Variants in TAOK3 observed in about 807,000 individuals in gnomAD.
TAOK3 encodes the protein serine/threonine-protein kinase TAO3.
A neutral mutation model predicts 120.4 loss-of-function variants in TAOK3; 40 were observed. The ratio of observed to expected loss-of-function variants is 0.33; its 90% CI spans 0.26 to 0.43. The LOEUF (loss-of-function observed/expected upper bound fraction) is 0.43. Among genes scored for constraint, TAOK3 ranks in the 20% least tolerant of loss-of-function variants. TAOK3 has a pLI of 1.00. For synonymous variants in TAOK3, 355 were observed against 387.5 expected, an observed-to-expected ratio of 0.92 and a Z score of 0.99; for missense variants, 821 against 1,112.1, an observed-to-expected ratio of 0.74 and a Z score of 3.72.
intron 1 of TAOK3, among the ~76,000 whole-genome samples, chr12:118,354,207 A>G (rs1010315688): frequency 2.0e-5 from 3 of 152,184 alleles, no homozygotes; most frequent in Non-Finnish European, 4.4e-5. Context: ...CATAACTACA[A>G]TGAAGCTTAA....
intron 1 of TAOK3, among the ~76,000 whole-genome samples, chr12:118,350,078 A>T (rs1459327838): frequency 1.3e-5 from 2 of 152,244 alleles, no homozygotes; most frequent in African/African-American, 2.4e-5. Context: ...ATGATTTTTT[A>T]AAAATCCTAA....
chr12:118,164,528 C>T (rs1224214488), intron 17 of TAOK3, among the ~76,000 whole-genome samples: 1 of 151,870 alleles, frequency 6.6e-6, no homozygotes, highest in Non-Finnish European at 1.5e-5. Flanking sequence ...AGCAATTCTC[C>T]CGCCTCAGCC....
chr12:118,256,008 C>A, intron 2 of TAOK3: 1 of 152,020 alleles, frequency 6.6e-6, no homozygotes, highest in Non-Finnish European at 1.5e-5. Flanking sequence ...CGCTTGAACC[C>A]GGGAGGCTGA....
chr12:118,193,194 C>T (rs780269280), intron 13 of TAOK3, among the ~76,000 whole-genome samples: 1 of 151,306 alleles, frequency 6.6e-6, no homozygotes, highest in Non-Finnish European at 1.5e-5. Flanking sequence ...ACTACAGGTG[C>T]GTACCACCAT....
intron 9 of TAOK3, among the ~76,000 whole-genome samples, chr12:118,223,062 CTTTTTTTTTTTT>C (rs75334511): frequency 2.6e-4 from 31 of 120,076 alleles, no homozygotes; most frequent in South Asian, 8.0e-4. Flanking sequence ...TTCTTTCTTT[CTTTTTTTTTTTT>C]TTTTTTTTTT....
chr12:118,255,463 A>G lies in TAOK3; in HGVS notation c.105T>C (p.Phe35=), dbSNP rs1298006463. 1.9e-6 allele frequency: 3 copies of G among 1,614,146 alleles called. No individual in the cohort carries two copies. The South Asian group carries it at 3.3e-5, about 18-fold the overall frequency. ...IGLHEIGHGS[F]GAVYFATNAH... is the part of the protein sequence containing the mutation. ...AAGTACTTACAAAATAAACTGCTCC[A>G]AAACTTCCATGTCCAATTTCATGCA... The change falls in exon 3 of 21, where the codon TTT becomes TTC. Residue 35 remains phenylalanine, a synonymous_variant. Coordinates refer to ENST00000392533, the MANE Select transcript of TAOK3 (RefSeq NM_016281.4).
At chr12:118,219,003 C>T (rs899464665) in intron 9 of TAOK3, among the ~76,000 whole-genome samples, 4 of 152,146 alleles carry the variant, frequency 2.6e-5, no homozygotes, top group East Asian at 1.9e-4. Context: ...GAACTCATCA[C>T]GTAACCATCA....
At chr12:118,174,627 G>A (rs1014543444) in intron 16 of TAOK3, among the ~76,000 whole-genome samples, 9 of 152,170 alleles carry the variant, frequency 5.9e-5, no homozygotes, top group Middle Eastern at 3.4e-3. Context: ...GAGTGGACGC[G>A]TGGAGTTAGA....
chr12:118,208,588 A>C (rs1237912428), intron 11 of TAOK3, among the ~76,000 whole-genome samples: 1 of 152,034 alleles, frequency 6.6e-6, no homozygotes, highest in Non-Finnish European at 1.5e-5. Context: ...ATCAGTCTTC[A>C]TACTTTCACG....
At chr12:118,227,932 C>A (rs1222736875) in intron 9 of TAOK3, among the ~76,000 whole-genome samples, 1 of 152,026 alleles carries the variant, frequency 6.6e-6, no homozygotes, top group African/African-American at 2.4e-5. Context: ...TTGAAAAGTT[C>A]AATTATTCAA....
In TAOK3 at chr12:118,371,389, C is replaced by T. The variant is rs1203231141; in HGVS notation, c.-194+1259G>A. 2.6e-5 allele frequency among the ~76,000 whole-genome samples: 4 copies of T among 152,148 alleles called. No homozygotes were observed. The highest frequency in any genetic ancestry group is 9.7e-5 in the African/African-American group (4 of 41,432). The stretch of plus-strand genomic sequence containing the variant: ...AAGGAACGAATGCGAAGCCAGCGGG[C>T]CAGTGAGAAGAGGTCAGGCCGCGCA... On this transcript the variant is annotated intron_variant, in intron 1 of 20. Coordinates refer to ENST00000392533, the MANE Select transcript of TAOK3 (RefSeq NM_016281.4). The surrounding 1 kb of genome is among the most constrained non-coding windows in gnomAD (Gnocchi z 5.5).
At chr12:118,333,650 TGAAAACAGGA>T (rs2044241907) in intron 1 of TAOK3, among the ~76,000 whole-genome samples, 1 of 151,128 alleles carries the variant, frequency 6.6e-6, no homozygotes, top group Non-Finnish European at 1.5e-5. Flanking sequence ...TCTATTAAAT[TGAAAACAGGA>T]GAAAACATGA....
chr12:118,338,677 C>T (rs755576149), intron 1 of TAOK3, among the ~76,000 whole-genome samples: 99 of 149,480 alleles, frequency 6.6e-4, no homozygotes, highest in Non-Finnish European at 1.1e-3. Flanking sequence ...GTCCCAGCTA[C>T]TCAGGAGGCT....
rs937032413 is a variant in TAOK3 at position 118,371,356 on chromosome 12, C to T, written c.-194+1292G>A. On this transcript the variant is annotated intron_variant, in intron 1 of 20. Coordinates refer to ENST00000392533, the MANE Select transcript of TAOK3 (RefSeq NM_016281.4). This position sits in a 1 kb window ranked among gnomAD's most constrained non-coding sequence, Gnocchi z 5.5. ...CCCCTCGCTTTCAAGACATCCACAT[C>T]AGACTCTAAGGAACGAATGCGAAGC... 1.3e-5 allele frequency among the ~76,000 whole-genome samples: 2 copies of T among 152,140 alleles called. No individual in the cohort carries two copies. The highest frequency in any genetic ancestry group is 2.4e-5 in the African/African-American group (1 of 41,436).
intron 20 of TAOK3, 129 bp from the exon 21 acceptor site, chr12:118,151,287 GCGCACACACACACACACACA>G: frequency 1.1e-5 from 5 of 476,170 alleles, no homozygotes; most frequent in Non-Finnish European, 1.8e-5. Context: ...GTGCGCGCGC[GCGCACACACACACACACACA>G]CACACACACA....
chr12:118,218,263 G>A (rs1449364027), intron 9 of TAOK3, among the ~76,000 whole-genome samples: 1 of 151,992 alleles, frequency 6.6e-6, no homozygotes, highest in African/African-American at 2.4e-5. Flanking sequence ...AAATGCAAAA[G>A]ATTAAAAAAA....
Position 118,255,598 on chromosome 12 carries a change from A to C in TAOK3, c.-31T>G. On this transcript the variant is annotated 5_prime_UTR_variant, in exon 3 of 21. Coordinates refer to ENST00000392533, the MANE Select transcript of TAOK3 (RefSeq NM_016281.4). ...CCAGTAGAGCAGGCTCTGCTTTTTGATATCAGTTAGCTTTATTTCTCATTG... is the reference window on the plus strand; with the variant it reads ...CCAGTAGAGCAGGCTCTGCTTTTTGCTATCAGTTAGCTTTATTTCTCATTG... 6.3e-7 allele frequency: 1 copy of C among 1,579,090 alleles called. No individual in the cohort carries two copies. Among genetic ancestry groups the C allele is most frequent in the Non-Finnish European group, 8.6e-7 (1 of 1,164,186 alleles).
At chr12:118,284,680 C>T (rs575932000) in intron 1 of TAOK3, among the ~76,000 whole-genome samples, 5 of 152,078 alleles carry the variant, frequency 3.3e-5, no homozygotes, top group South Asian at 2.1e-4. Flanking sequence ...GGCGCAAGGT[C>T]GGATCTGGGA....
chr12:118,149,904 C>G lies in TAOK3; in HGVS notation c.*1093G>C, dbSNP rs1425224224. ...TTTTGTTTTGTTTTTAAAGTGCATG[C>G]AAAAGAAGTAAAGCCTTTTTTTTTT... On this transcript the variant is annotated 3_prime_UTR_variant, in exon 21 of 21. Transcript: ENST00000392533. 1 of 150,346 alleles carries G rather than the reference C, an allele frequency of 6.7e-6. No homozygotes were observed. Among genetic ancestry groups the G allele is most frequent in the East Asian group, 1.9e-4 (1 of 5,156 alleles). 9.3% of individuals were successfully genotyped at this position (150,346 alleles called of 1,614,324 possible). A position where few individuals can be genotyped will look rare whatever the true frequency, so the allele number is the denominator to read the frequency against.
Sources: gnomAD v4.1 joint callset for allele counts (sites outside exome capture counted in the v4.1 genomes callset) on GRCh38, gnomAD v4.1.1 for gene constraint, Gnocchi (gnomAD v3.1) non-coding constraint, MANE v1.5 for transcripts, NCBI Gene and HGNC (gene_info 2026-07-23, HGNC 2026-07-21) for gene names.